Variants in TASP1 observed in about 807,000 individuals in gnomAD.
The protein encoded by TASP1 is taspase 1.
In TASP1, 16 loss-of-function variants were observed where a neutral mutation model predicts 56.6. The ratio of observed to expected loss-of-function variants is 0.28; its 90% CI spans 0.19 to 0.43. The LOEUF (loss-of-function observed/expected upper bound fraction) is 0.43. Among genes scored for constraint, TASP1 ranks in the 20% least tolerant of loss-of-function variants. The pLI is 1.00. For synonymous variants in TASP1, 179 were observed against 184.2 expected (o/e 0.97, Z 0.23); for missense variants, 393 against 511.6 (o/e 0.77, Z 2.24).
At chr20:13,488,391 C>T (rs890152357) in intron 10 of TASP1, among the ~76,000 whole-genome samples, 4 of 151,864 alleles carry the variant, frequency 2.6e-5, no homozygotes, top group Non-Finnish European at 4.4e-5. Context: ...CAAAAGAAGC[C>T]GCAAGACTAA....
At chr20:13,398,458 C>A (rs139948346) in intron 13 of TASP1, among the ~76,000 whole-genome samples, 102 of 152,108 alleles carry the variant, frequency 6.7e-4, no homozygotes, top group Non-Finnish European at 5.6e-4. Context: ...CTTCTTAGAG[C>A]CAGACAGGCA....
At chr20:13,382,279 C>T in the TASP1 span, among the ~76,000 whole-genome samples, 1 of 152,170 alleles carries the variant, frequency 6.6e-6, no homozygotes. Flanking sequence ...TTTCCAAATA[C>T]TCTGGGAAGT....
At chr20:13,573,953 G>C (rs1456969891) in intron 6 of TASP1, among the ~76,000 whole-genome samples, 1 of 152,128 alleles carries the variant, frequency 6.6e-6, no homozygotes, top group Non-Finnish European at 1.5e-5. Flanking sequence ...CGGGCATCCA[G>C]AGAGGCCATG....
the TASP1 span, chr20:13,110,016 G>A: frequency 5.1e-6 from 5 of 978,324 alleles, no homozygotes; most frequent in Non-Finnish European, 7.4e-6. Flanking sequence ...GAAAGTTTAG[G>A]TCTGAGTGTG....
the TASP1 span, among the ~76,000 whole-genome samples, chr20:13,218,844 C>T: frequency 6.6e-6 from 1 of 152,212 alleles, no homozygotes; most frequent in African/African-American, 2.4e-5. Flanking sequence ...GAATGGGGAT[C>T]TCTCAGCGTG....
chr20:13,458,206 T>C (rs1730321522), intron 11 of TASP1, among the ~76,000 whole-genome samples: 1 of 152,140 alleles, frequency 6.6e-6, no homozygotes, highest in African/African-American at 2.4e-5. Flanking sequence ...ACACTTATTT[T>C]AGAGCCATTT....
intron 8 of TASP1, among the ~76,000 whole-genome samples, chr20:13,536,722 G>A (rs1231982416): frequency 1.3e-5 from 2 of 151,984 alleles, no homozygotes; most frequent in Non-Finnish European, 2.9e-5. Context: ...GTCTTCATCA[G>A]TCCTACCAGA....
chr20:13,497,298 C>T (rs990209795), intron 10 of TASP1, among the ~76,000 whole-genome samples: 20 of 152,148 alleles, frequency 1.3e-4, no homozygotes, highest in Admixed American at 1.3e-3. Context: ...AGCCACCAAG[C>T]AATGGGAAAA....
the TASP1 span, among the ~76,000 whole-genome samples, chr20:13,320,889 T>G: frequency 1.3e-5 from 2 of 152,244 alleles, no homozygotes; most frequent in Middle Eastern, 3.4e-3. Flanking sequence ...GTGAGTTGCA[T>G]GAGGTGATGG....
intron 8 of TASP1, among the ~76,000 whole-genome samples, chr20:13,537,798 G>T: frequency 6.6e-6 from 1 of 152,126 alleles, no homozygotes; most frequent in African/African-American, 2.4e-5. Context: ...CTTTCTTGAA[G>T]TAACCAATAA....
chr20:13,345,916 TA>T, the TASP1 span, among the ~76,000 whole-genome samples: 8,475 of 100,918 alleles, frequency 0.084, 256 homozygotes, highest in Middle Eastern at 0.1. Flanking sequence ...CTCAGTAGGT[TA>T]AAAAAAAAAA....
intron 9 of TASP1, among the ~76,000 whole-genome samples, chr20:13,531,908 C>T (rs934207522): frequency 3.3e-5 from 5 of 152,196 alleles, no homozygotes; most frequent in East Asian, 3.9e-4. Flanking sequence ...AACTGATCTA[C>T]CTGCATTGGC....
the TASP1 span, among the ~76,000 whole-genome samples, chr20:13,226,780 A>T: frequency 6.6e-6 from 1 of 152,234 alleles, no homozygotes. Flanking sequence ...CAGAAATTGC[A>T]AGACCTATTG....
At chr20:13,153,842 C>G in the TASP1 span, among the ~76,000 whole-genome samples, 1 of 152,160 alleles carries the variant, frequency 6.6e-6, no homozygotes, top group Non-Finnish European at 1.5e-5. Flanking sequence ...GGCATCAGTG[C>G]CCACACCTGC....
At chr20:13,126,856 A>C in the TASP1 span, 26 of 1,240,850 alleles carry the variant, frequency 2.1e-5, no homozygotes, top group African/African-American at 1.5e-5. Flanking sequence ...AATGCACAAA[A>C]CTGCCGTTAG....
the TASP1 span, among the ~76,000 whole-genome samples, chr20:13,238,562 C>T: frequency 6.6e-6 from 1 of 152,158 alleles, no homozygotes; most frequent in African/African-American, 2.4e-5. Context: ...GACTTATTAG[C>T]ATTTCCAGAT....
rs2048125658 is a variant in TASP1 at position 13,605,748 on chromosome 20, C to T, written c.282+17698G>A. ...TAAACTTTTTAAGCGGTCATCTGAT[C>T]TTCTGATGTAACTCATTTTGCGTAA... On this transcript the variant is annotated intron_variant, in intron 4 of 13. Coordinates refer to ENST00000337743, the MANE Select transcript of TASP1 (RefSeq NM_017714.3). Among the ~76,000 whole-genome samples, 4 of 152,210 alleles carry T rather than the reference C, an allele frequency of 2.6e-5. No homozygotes were observed. The South Asian group carries it at 6.2e-4, about 24-fold the overall frequency.
the TASP1 span, among the ~76,000 whole-genome samples, chr20:13,220,522 G>A: frequency 6.6e-6 from 1 of 152,204 alleles, no homozygotes; most frequent in Non-Finnish European, 1.5e-5. Flanking sequence ...ACAGAGGCAA[G>A]CCCACTAGAG....
At chr20:13,390,564 T>G (rs2041234408) in intron 13 of TASP1, 112 bp from the exon 14 acceptor site, 2 of 864,992 alleles carry the variant, frequency 2.3e-6, no homozygotes, top group East Asian at 5.4e-5. Context: ...AGGCCTTCAT[T>G]TTGCTTCTGA....
Sources: gnomAD v4.1 joint callset for allele counts (sites outside exome capture counted in the v4.1 genomes callset) on GRCh38, gnomAD v4.1.1 for gene constraint, MANE v1.5 for transcripts, NCBI Gene and HGNC (gene_info 2026-07-23, HGNC 2026-07-21) for gene names.